Variants in SNAP91 observed in about 807,000 individuals in gnomAD.
The protein encoded by SNAP91 is synaptosome associated protein 91.
Under a neutral mutation model 100.3 loss-of-function variants are expected in SNAP91, and 27 were observed. The observed-to-expected ratio is 0.27, with a 90% confidence interval of 0.20 to 0.37. SNAP91 has a LOEUF of 0.37. Ranked by LOEUF, SNAP91 falls within the 10% of genes least tolerant of loss-of-function variation. The pLI, the probability that SNAP91 is intolerant of heterozygous loss-of-function variation, is 1.00. For missense variants in SNAP91, 986 were observed against 1,123.7 expected (o/e 0.88, Z 1.75); for synonymous variants, 404 against 398.6 (o/e 1.01, Z -0.16).
intron 2 of SNAP91, 78 bp from the exon 3 acceptor site, chr6:83,665,659 C>T: frequency 2.4e-6 from 3 of 1,254,946 alleles, no homozygotes; most frequent in Non-Finnish European, 3.3e-6. Context: ...AACATATAAG[C>T]CTGTTTACTA....
At chr6:83,635,134 C>T (rs1362070801) in intron 8 of SNAP91, among the ~76,000 whole-genome samples, 2 of 152,112 alleles carry the variant, frequency 1.3e-5, no homozygotes, top group East Asian at 3.9e-4. Flanking sequence ...GTGGAGTAGT[C>T]TGTAGATGTC....
chr6:83,698,460 G>T (rs1326680838), intron 2 of SNAP91, among the ~76,000 whole-genome samples: 1 of 152,082 alleles, frequency 6.6e-6, no homozygotes, highest in Non-Finnish European at 1.5e-5. Flanking sequence ...TGGGGAACAG[G>T]GGACAAGGCC....
chr6:83,621,483 G>A (rs1395412484), intron 9 of SNAP91, among the ~76,000 whole-genome samples: 1 of 152,034 alleles, frequency 6.6e-6, no homozygotes, highest in Admixed American at 6.6e-5. Flanking sequence ...TTTCTTTGAG[G>A]GAGGAGTCTC....
intron 2 of SNAP91, among the ~76,000 whole-genome samples, chr6:83,694,973 A>G (rs1234126996): frequency 6.6e-6 from 1 of 152,164 alleles, no homozygotes; most frequent in African/African-American, 2.4e-5. Flanking sequence ...CATACTTTAA[A>G]AAAACGAAAA....
chr6:83,601,460 G>C (rs763472045), intron 15 of SNAP91, 22 bp from the exon 16 acceptor site: 2 of 1,613,336 alleles, frequency 1.2e-6, no homozygotes, highest in East Asian at 2.2e-5. Flanking sequence ...CAGAGACAGA[G>C]AGCAAACGGA....
chr6:83,603,435 C>T (rs1239555246), intron 14 of SNAP91, among the ~76,000 whole-genome samples: 1 of 151,802 alleles, frequency 6.6e-6, no homozygotes, highest in Non-Finnish European at 1.5e-5. Flanking sequence ...CACTATGTTG[C>T]TCAGGCTGGA....
intron 2 of SNAP91, among the ~76,000 whole-genome samples, chr6:83,703,436 T>G (rs1210769598): frequency 6.6e-6 from 1 of 152,158 alleles, no homozygotes; most frequent in Non-Finnish European, 1.5e-5. Flanking sequence ...ATATTTCATA[T>G]TTACTAAGCA....
At chr6:83,665,075 T>C (rs1172600371) in intron 3 of SNAP91, among the ~76,000 whole-genome samples, 1 of 152,086 alleles carries the variant, frequency 6.6e-6, no homozygotes, top group African/African-American at 2.4e-5. Context: ...ATAATACTAT[T>C]GCACACTTAA....
chr6:83,688,101 C>T (rs1005980390), intron 2 of SNAP91, among the ~76,000 whole-genome samples: 1 of 152,144 alleles, frequency 6.6e-6, no homozygotes, highest in South Asian at 2.1e-4. Flanking sequence ...TATCTCTCCC[C>T]CTTACATTTC....
chr6:83,605,162 T>A (rs894642154), intron 14 of SNAP91, among the ~76,000 whole-genome samples: 82 of 53,326 alleles, frequency 1.5e-3, no homozygotes, highest in Admixed American at 3.9e-4. Context: ...GTCAATCAGT[T>A]TAAAGTATGG....
intron 2 of SNAP91, 86 bp from the exon 3 acceptor site, chr6:83,665,667 C>A (rs1034537836): frequency 2.5e-6 from 3 of 1,179,636 alleles, no homozygotes; most frequent in East Asian, 5.0e-5. Context: ...AGCCTGTTTA[C>A]TAATATATGA....
At chr6:83,638,151 T>A (rs1460532351) in intron 8 of SNAP91, among the ~76,000 whole-genome samples, 1 of 152,128 alleles carries the variant, frequency 6.6e-6, no homozygotes, top group Non-Finnish European at 1.5e-5. Flanking sequence ...GCACCTATGG[T>A]CATGTTTTAC....
Position 83,705,018 on chromosome 6 carries a change from C to T in SNAP91, c.130+2780G>A, listed in dbSNP as rs557597379. Among the ~76,000 whole-genome samples the T allele has an allele frequency of 2.0e-5, 3 of 152,270 alleles. No homozygotes were observed. The South Asian group carries it at 6.2e-4, about 32-fold the overall frequency. On this transcript the variant is annotated intron_variant, in intron 2 of 29. Coordinates refer to ENST00000369694, the MANE Select transcript of SNAP91 (RefSeq NM_001242792.2). ...GTAGTTTACTGTTTCTTTAAAGGAACTTCACAAAGAATTCTGAGCAAAGAT... is the reference window on the plus strand; with the variant it reads ...GTAGTTTACTGTTTCTTTAAAGGAATTTCACAAAGAATTCTGAGCAAAGAT...
intron 14 of SNAP91, among the ~76,000 whole-genome samples, chr6:83,603,749 G>A (rs950140608): frequency 1.1e-4 from 17 of 152,258 alleles, no homozygotes; most frequent in African/African-American, 3.8e-4. Flanking sequence ...GTTCTGGCTG[G>A]ATTTCAGCCC....
chr6:83,609,657 T>C (rs1204874391), intron 12 of SNAP91, among the ~76,000 whole-genome samples: 1 of 152,212 alleles, frequency 6.6e-6, no homozygotes, highest in African/African-American at 2.4e-5. Flanking sequence ...CCTATAGAAG[T>C]AAATACTCTT....
chr6:83,569,958 G>A (rs1458037863), intron 26 of SNAP91, among the ~76,000 whole-genome samples: 2 of 152,064 alleles, frequency 1.3e-5, no homozygotes, highest in African/African-American at 2.4e-5. Context: ...TTGATCAGCA[G>A]TGTGAAAACA....
At chr6:83,681,698 T>C (rs2098991843) in intron 2 of SNAP91, among the ~76,000 whole-genome samples, 1 of 152,134 alleles carries the variant, frequency 6.6e-6, no homozygotes, top group South Asian at 2.1e-4. Context: ...GCAGCAGTGC[T>C]CTATGAGAGC....
intron 8 of SNAP91, among the ~76,000 whole-genome samples, chr6:83,630,786 A>C (rs1375317415): frequency 6.6e-6 from 1 of 150,972 alleles, no homozygotes; most frequent in Non-Finnish European, 1.5e-5. Context: ...AAAAAAAAAA[A>C]ACAGCTTTTT....
At chr6:83,685,711 G>A (rs2099050988) in intron 2 of SNAP91, among the ~76,000 whole-genome samples, 1 of 152,082 alleles carries the variant, frequency 6.6e-6, no homozygotes, top group Non-Finnish European at 1.5e-5. Flanking sequence ...AGTCTATCAA[G>A]TAGATCTCCC....
Sources: gnomAD v4.1 joint callset for allele counts (sites outside exome capture counted in the v4.1 genomes callset) on GRCh38, gnomAD v4.1.1 for gene constraint, MANE v1.5 for transcripts, NCBI Gene and HGNC (gene_info 2026-07-23, HGNC 2026-07-21) for gene names.